The following DSCAM variants were observed in gnomAD, a reference collection of about 807,000 sequenced individuals.
DSCAM encodes cell adhesion molecule DSCAM.
DSCAM carries 47 observed loss-of-function variants against 217.7 expected under a neutral mutation model. That is an observed-to-expected ratio of 0.22 (90% CI 0.17 to 0.28). DSCAM has a LOEUF of 0.28. Ranked by LOEUF, DSCAM falls within the 10% of genes least tolerant of loss-of-function variation. The pLI, the probability that DSCAM is intolerant of heterozygous loss-of-function variation, is 1.00. For synonymous variants in DSCAM, 1,056 were observed against 1,015.3 expected, an observed-to-expected ratio of 1.04 and a Z score of -0.76; for missense variants, 2,080 against 2,618.3, an observed-to-expected ratio of 0.79 and a Z score of 4.49.
chr21:40,767,364 CG>C (rs1268390728), intron 1 of DSCAM, among the ~76,000 whole-genome samples: 3 of 152,068 alleles, frequency 2.0e-5, no homozygotes, highest in Non-Finnish European at 4.4e-5. Flanking sequence ...GCAGTAACTT[CG>C]GGCCCACATC....
intron 3 of DSCAM, among the ~76,000 whole-genome samples, chr21:40,402,515 T>C (rs947482345): frequency 5.9e-5 from 9 of 152,306 alleles, no homozygotes; most frequent in Admixed American, 3.3e-4. Flanking sequence ...TATTTCTAAA[T>C]GGAGAAATAA....
intron 3 of DSCAM, among the ~76,000 whole-genome samples, chr21:40,567,497 C>T (rs780702415): frequency 4.6e-5 from 7 of 152,304 alleles, no homozygotes; most frequent in South Asian, 2.1e-4. Flanking sequence ...GGACTGCAGC[C>T]GTTTTTTATT....
chr21:40,820,478 G>C (rs1370008513), intron 1 of DSCAM, among the ~76,000 whole-genome samples: 2 of 152,102 alleles, frequency 1.3e-5, no homozygotes, highest in Non-Finnish European at 2.9e-5. Context: ...GGGCAAGGTG[G>C]GGGAGAGCAT....
At position 40,759,475 on chromosome 21, in the gene DSCAM, G is replaced by A. The variant is rs193062167; in HGVS notation, c.44-50704C>T. 2.9e-4 allele frequency among the ~76,000 whole-genome samples: 44 copies of A among 152,274 alleles called. No homozygotes were observed. The East Asian group carries it at 5.0e-3, about 17-fold the overall frequency. Reference sequence around the variant, plus strand: ...TTTAAAGTGCACGTGACTCGCTTGTGCCCTTCTGATCATGGATAAATACCC... The same window carrying A: ...TTTAAAGTGCACGTGACTCGCTTGTACCCTTCTGATCATGGATAAATACCC... On this transcript the variant is annotated intron_variant, in intron 1 of 32. Coordinates refer to ENST00000400454, the MANE Select transcript of DSCAM (RefSeq NM_001389.5).
chr21:40,171,613 A>T (rs2146783988), intron 15 of DSCAM, among the ~76,000 whole-genome samples: 1 of 152,232 alleles, frequency 6.6e-6, no homozygotes, highest in African/African-American at 2.4e-5. Flanking sequence ...GACAAACCAA[A>T]ATAATTTAAT....
intron 1 of DSCAM, among the ~76,000 whole-genome samples, chr21:40,800,803 C>T (rs1332062897): frequency 6.6e-6 from 1 of 150,680 alleles, no homozygotes; most frequent in Non-Finnish European, 1.5e-5. Context: ...GCAACCTCTG[C>T]CTCCCAGATT....
At chr21:40,181,958 A>C (rs988080807) in intron 14 of DSCAM, among the ~76,000 whole-genome samples, 1 of 151,844 alleles carries the variant, frequency 6.6e-6, no homozygotes, top group Non-Finnish European at 1.5e-5. Flanking sequence ...TCAGAGTCCC[A>C]CTGCAGCCTC....
At chr21:40,668,143 T>C (rs2090225732) in intron 3 of DSCAM, among the ~76,000 whole-genome samples, 1 of 152,182 alleles carries the variant, frequency 6.6e-6, no homozygotes, top group South Asian at 2.1e-4. Context: ...AGCCATCCTC[T>C]ACAGTGTCTG....
chr21:40,326,864 T>C (rs1174312979), intron 8 of DSCAM, among the ~76,000 whole-genome samples: 1 of 151,512 alleles, frequency 6.6e-6, no homozygotes, highest in Non-Finnish European at 1.5e-5. Context: ...AATTGTATCA[T>C]GCATCTATAT....
At chr21:40,221,766 G>A (rs1329407268) in intron 11 of DSCAM, among the ~76,000 whole-genome samples, 1 of 152,088 alleles carries the variant, frequency 6.6e-6, no homozygotes, top group Non-Finnish European at 1.5e-5. Flanking sequence ...GTCAACACTC[G>A]CAACAAAAAC....
intron 1 of DSCAM, among the ~76,000 whole-genome samples, chr21:40,739,263 C>T (rs1429348869): frequency 6.6e-6 from 1 of 152,064 alleles, no homozygotes; most frequent in Non-Finnish European, 1.5e-5. Flanking sequence ...GAGGTGGGGG[C>T]CATGCCCTTG....
At chr21:40,065,583 T>G (rs2089195117) in intron 27 of DSCAM, among the ~76,000 whole-genome samples, 1 of 152,174 alleles carries the variant, frequency 6.6e-6, no homozygotes, top group South Asian at 2.1e-4. Flanking sequence ...AATCCAGAGC[T>G]GGGGCCACTG....
At chr21:40,478,737 G>C (rs2075958102) in intron 3 of DSCAM, among the ~76,000 whole-genome samples, 2 of 152,098 alleles carry the variant, frequency 1.3e-5, no homozygotes, top group Non-Finnish European at 1.5e-5. Context: ...AAATACAGTA[G>C]CCCTGCCTTA....
At chr21:40,085,550 A>C in intron 23 of DSCAM, 52 bp downstream of exon 23, 1 of 1,385,138 alleles carries the variant, frequency 7.2e-7, no homozygotes, top group Non-Finnish European at 9.5e-7. Flanking sequence ...CTTTTTGCAT[A>C]GAAAGCATAC....
At chr21:40,525,844 A>G (rs1275941137) in intron 3 of DSCAM, among the ~76,000 whole-genome samples, 2 of 152,192 alleles carry the variant, frequency 1.3e-5, no homozygotes, top group Non-Finnish European at 2.9e-5. Flanking sequence ...GTGGCCTTCC[A>G]TCTGAGAACC....
rs1748285862 is a variant in DSCAM at position 40,368,671 on chromosome 21, C to A, written c.655+428G>T. On this transcript the variant is annotated intron_variant, in intron 4 of 32. Transcript: ENST00000400454. ...ATATTGATAGCAAGCAACCTTTGGT[C>A]ACTTCCATCTCACTATTACAACCTT... Among the ~76,000 whole-genome samples, 2 of 152,188 alleles carry A rather than the reference C, an allele frequency of 1.3e-5. 1 individual carries two copies. Among genetic ancestry groups the A allele is most frequent in the South Asian group, 4.1e-4 (2 of 4,832 alleles).
At chr21:40,145,511 G>A (rs1282551676) in intron 16 of DSCAM, among the ~76,000 whole-genome samples, 1 of 152,102 alleles carries the variant, frequency 6.6e-6, no homozygotes, top group South Asian at 2.1e-4. Flanking sequence ...TAGGATTTAG[G>A]CTGATGCGTA....
chr21:40,258,351 A>C (rs2073402962), intron 11 of DSCAM, among the ~76,000 whole-genome samples: 1 of 152,232 alleles, frequency 6.6e-6, no homozygotes, highest in South Asian at 2.1e-4. Context: ...TGACAGGAAC[A>C]CATGAAATTG....
chr21:40,258,828 A>G (rs1464612819), intron 11 of DSCAM, among the ~76,000 whole-genome samples: 10 of 152,200 alleles, frequency 6.6e-5, no homozygotes, highest in East Asian at 3.9e-4. Context: ...TTGCTAGCCA[A>G]TCGAGACAAA....
Sources: allele counts gnomAD v4.1 joint callset (sites outside exome capture counted in the v4.1 genomes callset), GRCh38; gene constraint gnomAD v4.1.1; transcripts MANE v1.5; gene names NCBI Gene and HGNC (gene_info 2026-07-23, HGNC 2026-07-21).